NBDY: variants seen among roughly 807,000 people sequenced by gnomAD.
NBDY encodes P-body dissociating protein.
chrX:56,765,555 G>A (rs1403993741), intron 2 of NBDY, among the ~76,000 whole-genome samples: 3 of 111,734 alleles, frequency 2.7e-5, no homozygotes, highest in Non-Finnish European at 5.6e-5. Context: ...GCCCCTCGTT[G>A]TATGTCACCA....
chrX:56,797,156 T>C, intron 2 of NBDY, among the ~76,000 whole-genome samples: 1 of 105,805 alleles, frequency 9.5e-6, no homozygotes. Context: ...CCTTCCCTCC[T>C]TCTCCTTCTT....
chrX:56,741,601 G>T (rs952466658), intron 2 of NBDY, among the ~76,000 whole-genome samples: 10 of 111,948 alleles, frequency 8.9e-5, no homozygotes, highest in African/African-American at 3.2e-4. Flanking sequence ...CAACTACAAT[G>T]AGTACTTTTT....
At chrX:56,800,912 C>T (rs970723455) in intron 2 of NBDY, among the ~76,000 whole-genome samples, 2 of 110,758 alleles carry the variant, frequency 1.8e-5, no homozygotes, top group South Asian at 3.9e-4. Flanking sequence ...TGGCTCATTA[C>T]CTCCTTTCTC....
intron 2 of NBDY, among the ~76,000 whole-genome samples, chrX:56,735,010 T>C (rs1399999984): frequency 8.9e-6 from 1 of 112,019 alleles, no homozygotes; most frequent in Non-Finnish European, 1.9e-5. Context: ...GATTCAGACC[T>C]GTGCAGTCTA....
At chrX:56,741,485 C>T (rs949939860) in intron 2 of NBDY, among the ~76,000 whole-genome samples, 35 of 111,603 alleles carry the variant, frequency 3.1e-4, no homozygotes, top group African/African-American at 1.0e-3. Flanking sequence ...CCCTCTTCTC[C>T]GCATTCTTGC....
chrX:56,810,042 G>T (rs1433306154), intron 2 of NBDY, among the ~76,000 whole-genome samples: 1 of 100,620 alleles, frequency 9.9e-6, no homozygotes, highest in African/African-American at 3.5e-5. Flanking sequence ...GAAATTCTGG[G>T]TTGAAGATTC....
chrX:56,737,972 A>G lies in NBDY; in HGVS notation c.*166+5773A>G, dbSNP rs2069506025. ...AATATGTCAGTGTGTATTTCCTCAG[A>G]ATGATGATTTCCTCTTATACATCCT... On this transcript the variant is annotated intron_variant, in intron 2 of 2. Coordinates refer to ENST00000374922, the MANE Select transcript of NBDY (RefSeq NM_001348129.2). Among the ~76,000 whole-genome samples, 3 of 111,525 alleles carry G rather than the reference A, an allele frequency of 2.7e-5. No homozygotes were observed. In the South Asian group the frequency reaches 1.1e-3, roughly 42 times the overall value.
At chrX:56,792,940 T>A (rs1414703743) in intron 2 of NBDY, among the ~76,000 whole-genome samples, 1 of 111,264 alleles carries the variant, frequency 9.0e-6, no homozygotes, top group Non-Finnish European at 1.9e-5. Context: ...GCAGAGAAAG[T>A]CCCCTCAGGA....
intron 2 of NBDY, among the ~76,000 whole-genome samples, chrX:56,734,941 G>T (rs1904992404): frequency 1.8e-5 from 2 of 112,185 alleles, no homozygotes; most frequent in Admixed American, 9.4e-5. Context: ...TAGGGCCAAA[G>T]AAACTGAAGC....
At chrX:56,785,023 G>A (rs1027068802) in intron 2 of NBDY, among the ~76,000 whole-genome samples, 1 of 111,533 alleles carries the variant, frequency 9.0e-6, no homozygotes, top group East Asian at 2.8e-4. Context: ...CTGGGAATGA[G>A]CAGAGTTTCA....
intron 2 of NBDY, among the ~76,000 whole-genome samples, chrX:56,735,168 G>A (rs1569283168): frequency 8.9e-6 from 1 of 111,961 alleles, no homozygotes; most frequent in Non-Finnish European, 1.9e-5. Flanking sequence ...CTTCACTGAT[G>A]GATTAACAAA....
chrX:56,816,611 TAA>T (rs1161266682), intron 2 of NBDY, among the ~76,000 whole-genome samples: 7 of 111,299 alleles, frequency 6.3e-5, no homozygotes, highest in African/African-American at 2.3e-4. Flanking sequence ...TAAAAATTAT[TAA>T]GACATTTATA....
At chrX:56,766,141 T>A (rs2069664374) in intron 2 of NBDY, among the ~76,000 whole-genome samples, 1 of 112,670 alleles carries the variant, frequency 8.9e-6, no homozygotes, top group African/African-American at 3.2e-5. Flanking sequence ...TCCTTCTGGA[T>A]GCTGTAAGTG....
At chrX:56,740,659 T>G (rs556958988) in intron 2 of NBDY, among the ~76,000 whole-genome samples, 3 of 111,736 alleles carry the variant, frequency 2.7e-5, no homozygotes, top group South Asian at 3.7e-4. Context: ...TAGATACATA[T>G]TTTACAATTT....
At chrX:56,766,988 C>A (rs1254327912) in intron 2 of NBDY, among the ~76,000 whole-genome samples, 1 of 112,722 alleles carries the variant, frequency 8.9e-6, no homozygotes, top group Non-Finnish European at 1.9e-5. Context: ...AGCTGTCTAT[C>A]CGTTCTTCGG....
At chrX:56,767,217 C>A (rs955245865) in intron 2 of NBDY, among the ~76,000 whole-genome samples, 1 of 113,573 alleles carries the variant, frequency 8.8e-6, no homozygotes, top group Non-Finnish European at 1.9e-5. Flanking sequence ...GCGATGAAAC[C>A]TGGAGAGGTC....
chrX:56,812,614 C>A (rs936763295), intron 2 of NBDY, among the ~76,000 whole-genome samples: 6 of 110,900 alleles, frequency 5.4e-5, no homozygotes, highest in Non-Finnish European at 9.4e-5. Flanking sequence ...CCCTTGATCC[C>A]ACTCAGAAAG....
intron 2 of NBDY, among the ~76,000 whole-genome samples, chrX:56,792,670 C>T (rs1212327706): frequency 9.0e-6 from 1 of 111,501 alleles, no homozygotes; most frequent in East Asian, 2.8e-4. Flanking sequence ...TTATTGGACA[C>T]AGACACACAC....
intron 2 of NBDY, among the ~76,000 whole-genome samples, chrX:56,786,430 G>A (rs959787414): frequency 1.8e-5 from 2 of 111,561 alleles, no homozygotes; most frequent in African/African-American, 6.5e-5. Context: ...CTACAGTGGC[G>A]TGAACCTCCC....
Sources: gnomAD v4.1 joint callset for allele counts (sites outside exome capture counted in the v4.1 genomes callset) on GRCh38, gnomAD v4.1.1 for gene constraint, MANE v1.5 for transcripts, NCBI Gene and HGNC (gene_info 2026-07-23, HGNC 2026-07-21) for gene names.